The following AGK variants were observed in gnomAD, a reference collection of about 807,000 sequenced individuals.
AGK encodes the protein acylglycerol kinase, also known as acylglycerol kinase, mitochondrial.
Under a neutral mutation model 66.4 loss-of-function variants are expected in AGK, and 52 were observed. The observed-to-expected ratio is 0.78, with a 90% CI of 0.63 to 0.99. The LOEUF (loss-of-function observed/expected upper bound fraction) is 0.99, where lower values mean the gene tolerates loss of function less well. Among genes scored for constraint, AGK ranks in the 50% least tolerant of loss-of-function variants. The probability of loss-of-function intolerance (pLI) is 0.00; values close to 1 mark genes in which losing one functional copy is unlikely to be tolerated. For synonymous variants in AGK, 182 were observed against 181.1 expected (o/e 1.00, Z -0.04); for missense variants, 451 against 506.6 (o/e 0.89, Z 1.05).
At chr7:141,605,161 G>T (rs562518977) in intron 5 of AGK, among the ~76,000 whole-genome samples, 23 of 152,134 alleles carry the variant, frequency 1.5e-4, no homozygotes, top group African/African-American at 4.6e-4. Context: ...CAGGTAGCAC[G>T]CATTTCGGTT....
intron 2 of AGK, among the ~76,000 whole-genome samples, chr7:141,569,271 C>A (rs1471975635): frequency 6.6e-6 from 1 of 152,110 alleles, no homozygotes; most frequent in African/African-American, 2.4e-5. Context: ...CGTGGTGGCT[C>A]ACACCTATAG....
intron 9 of AGK, among the ~76,000 whole-genome samples, chr7:141,632,492 G>A (rs1436189315): frequency 6.6e-6 from 1 of 152,140 alleles, no homozygotes; most frequent in Non-Finnish European, 1.5e-5. Context: ...GTTTTCTGAT[G>A]TTAGAGATCT....
intron 2 of AGK, among the ~76,000 whole-genome samples, chr7:141,576,173 A>C (rs1795733516): frequency 3.3e-5 from 5 of 152,168 alleles, no homozygotes; most frequent in Admixed American, 3.3e-4. Context: ...TATATCAATA[A>C]ATTTTCAGTG....
intron 9 of AGK, among the ~76,000 whole-genome samples, chr7:141,630,113 C>T (rs1335370797): frequency 6.6e-6 from 1 of 152,180 alleles, no homozygotes; most frequent in Admixed American, 6.5e-5. Flanking sequence ...TCATCAGCAG[C>T]AGCATCATCA....
chr7:141,558,515 G>T (rs1795265787), intron 2 of AGK, among the ~76,000 whole-genome samples: 1 of 152,056 alleles, frequency 6.6e-6, no homozygotes, highest in Admixed American at 6.6e-5. Flanking sequence ...AAGAGGTATG[G>T]TCTTTACATC....
At chr7:141,565,981 T>A (rs1408241148) in intron 2 of AGK, among the ~76,000 whole-genome samples, 2 of 152,220 alleles carry the variant, frequency 1.3e-5, no homozygotes, top group East Asian at 3.9e-4. Context: ...GCTTGGCCCC[T>A]GCATACATCT....
chr7:141,567,721 C>A (rs921761117), intron 2 of AGK, among the ~76,000 whole-genome samples: 1 of 152,192 alleles, frequency 6.6e-6, no homozygotes, highest in Non-Finnish European at 1.5e-5. Context: ...CCAGGTTGTT[C>A]GGTTTATCAT....
At chr7:141,608,366 T>C (rs1214733591) in intron 5 of AGK, among the ~76,000 whole-genome samples, 2 of 152,154 alleles carry the variant, frequency 1.3e-5, no homozygotes, top group African/African-American at 4.8e-5. Flanking sequence ...GTCATGTAGA[T>C]GCTTGAGGAA....
At chr7:141,640,037 T>C (rs939226358) in intron 11 of AGK, among the ~76,000 whole-genome samples, 1 of 152,154 alleles carries the variant, frequency 6.6e-6, no homozygotes, top group Non-Finnish European at 1.5e-5. Flanking sequence ...TCAATGTGAT[T>C]GAAAACTTGG....
chr7:141,611,335 G>A (rs1224033493), intron 6 of AGK, 48 bp downstream of exon 6: 2 of 1,391,832 alleles, frequency 1.4e-6, no homozygotes, highest in Middle Eastern at 1.8e-4. Flanking sequence ...GAGAAAAATG[G>A]AAATTAAATC....
chr7:141,560,359 T>G lies in AGK; in HGVS notation c.101+4792T>G, dbSNP rs567200901. ...CAAACTTGTTTTTACCCTGAGAAGA[T>G]CTTACCCTGTAGTCTTCTTGAGTGG... On this transcript the variant is annotated intron_variant, in intron 2 of 15. Coordinates refer to ENST00000649286, the MANE Select transcript of AGK (RefSeq NM_018238.4). Among the ~76,000 whole-genome samples the G allele has an allele frequency of 6.6e-5, 10 of 151,988 alleles. No homozygotes were observed. The South Asian group carries it at 1.9e-3, about 29-fold the overall frequency.
At chr7:141,595,597 C>T (rs1796210893) in intron 3 of AGK, among the ~76,000 whole-genome samples, 1 of 151,914 alleles carries the variant, frequency 6.6e-6, no homozygotes, top group South Asian at 2.1e-4. Flanking sequence ...TTTTTTCCTC[C>T]TCCTATCTTT....
At chr7:141,608,400 G>A (rs976480771) in intron 5 of AGK, among the ~76,000 whole-genome samples, 3 of 152,172 alleles carry the variant, frequency 2.0e-5, no homozygotes, top group African/African-American at 4.8e-5. Flanking sequence ...ATCACGAGCT[G>A]TGATACTGCA....
intron 5 of AGK, among the ~76,000 whole-genome samples, chr7:141,608,301 G>T (rs985194777): frequency 3.9e-5 from 6 of 152,178 alleles, no homozygotes. Context: ...AGATGGTCAA[G>T]GAAGGTGGGT....
At chr7:141,637,112 G>GTAGCA in intron 11 of AGK, 95 bp downstream of exon 11, 3 of 951,636 alleles carry the variant, frequency 3.2e-6, no homozygotes, top group Non-Finnish European at 4.8e-6. Context: ...CCTTGCTACA[G>GTAGCA]ATGAATGTGG....
At chr7:141,623,284 C>A (rs960521153) in intron 9 of AGK, among the ~76,000 whole-genome samples, 2 of 149,880 alleles carry the variant, frequency 1.3e-5, no homozygotes, top group Non-Finnish European at 1.5e-5. Context: ...GAGGCTGAGG[C>A]AGGAGAATCA....
chr7:141,632,289 T>G (rs561905882), intron 9 of AGK, among the ~76,000 whole-genome samples: 291 of 152,002 alleles, frequency 1.9e-3, no homozygotes, highest in Middle Eastern at 6.8e-3. Context: ...ACCCTCAATG[T>G]CTTTGGGCTG....
At chr7:141,561,055 C>G (rs1477223897) in intron 2 of AGK, among the ~76,000 whole-genome samples, 1 of 152,118 alleles carries the variant, frequency 6.6e-6, no homozygotes, top group African/African-American at 2.4e-5. Context: ...GGCCTCCCAA[C>G]ATGCTGGGAT....
rs144315962 is a variant in AGK at position 141,636,878 on chromosome 7, G to A, written c.669-82G>A. The A allele has an allele frequency of 5.5e-4, 626 of 1,141,816 alleles. 3 individuals carry two copies. The African/African-American group carries it at 8.8e-3, about 16-fold the overall frequency. 70.7% of individuals were successfully genotyped at this position (1,141,816 alleles called of 1,614,324 possible). ...CTCATAGCAGAGATGTAATTCTAAT[G>A]TATTGTCTGCCATGAATGGTATCTA... On this transcript the variant is annotated intron_variant, in intron 10 of 15. Coordinates refer to ENST00000649286, the MANE Select transcript of AGK (RefSeq NM_018238.4).
Sources: gnomAD v4.1 joint callset for allele counts (sites outside exome capture counted in the v4.1 genomes callset) on GRCh38, gnomAD v4.1.1 for gene constraint, MANE v1.5 for transcripts, NCBI Gene and HGNC (gene_info 2026-07-23, HGNC 2026-07-21) for gene names.